KIF4A: variants seen among roughly 807,000 people sequenced by gnomAD.
KIF4A encodes chromosome-associated kinesin KIF4A.
Under a neutral mutation model 105.9 loss-of-function variants are expected in KIF4A, and 7 were observed. The observed-to-expected ratio is 0.07, with a 90% CI of 0.04 to 0.12. The LOEUF (loss-of-function observed/expected upper bound fraction) is 0.12, where lower values mean the gene tolerates loss of function less well. KIF4A is among the 10% of genes least tolerant of loss of function. KIF4A has a pLI of 1.00. For synonymous variants in KIF4A, 281 were observed against 331.3 expected, an observed-to-expected ratio of 0.85 and a Z score of 1.65; for missense variants, 558 against 929.2, an observed-to-expected ratio of 0.60 and a Z score of 5.19.
intron 18 of KIF4A, among the ~76,000 whole-genome samples, chrX:70,384,958 C>T (rs774735110): frequency 1.8e-5 from 2 of 108,219 alleles, no homozygotes; most frequent in South Asian, 8.5e-4. Context: ...TGCCACCATG[C>T]CTGGCAATTT....
At chrX:70,405,948 C>T (rs1346485584) in intron 26 of KIF4A, 43 bp downstream of exon 26, 8 of 1,059,957 alleles carry the variant, frequency 7.5e-6, no homozygotes, top group Non-Finnish European at 1.1e-5. Flanking sequence ...TAAGAGACCC[C>T]GTTGCTACTG....
Position 70,290,564 on chromosome X carries a change from C to G in KIF4A, c.106C>G (p.Pro36Ala). The G allele has an allele frequency of 3.3e-6, 4 of 1,211,294 alleles. No homozygotes were observed. The highest frequency in any genetic ancestry group is 4.5e-6 in the Non-Finnish European group (4 of 895,275). ...CTGCCAGATGTGCCTTTCCTTCGTG[C>G]CCGGAGAGCCTCAGGTGCGTAGCAG... ...EGCQMCLSFV[P>A]GEPQVVVGTD... is the part of the protein sequence containing the mutation. The change falls in exon 2 of 31, where the codon CCC (proline) becomes GCC (alanine). Residue 36 changes from proline (P) to alanine (A), a missense_variant. This residue lies in a region of KIF4A where 89 missense variants were observed against 248.8 expected (regional missense o/e 0.36). Coordinates refer to ENST00000374403, the MANE Select transcript of KIF4A (RefSeq NM_012310.5).
chrX:70,339,769 C>T (rs1021601386), intron 10 of KIF4A, among the ~76,000 whole-genome samples: 2 of 111,855 alleles, frequency 1.8e-5, no homozygotes, highest in South Asian at 3.7e-4. Context: ...CTGTGAGTGT[C>T]GGTCAATTTG....
rs2086297546 is a variant in KIF4A at position 70,405,727 on chromosome X, A to G, written c.2899-101A>G. 3 of 591,761 alleles carry G rather than the reference A, an allele frequency of 5.1e-6. No individual in the cohort carries two copies. The African/African-American group carries it at 6.8e-5, about 13-fold the overall frequency. The allele number at this position is 591,761 out of a possible 1,213,427, so 48.8% of individuals were successfully genotyped here. A position where few individuals can be genotyped will look rare whatever the true frequency, so the allele number is the denominator to read the frequency against. On this transcript the variant is annotated intron_variant, in intron 25 of 30. Transcript: ENST00000374403. Reference sequence around the variant, plus strand: ...TGCTGTGCAAAAACCATCTGCTGCCAGCAACTTGGCAGCAGTATGTTTTCA... The same window carrying G: ...TGCTGTGCAAAAACCATCTGCTGCCGGCAACTTGGCAGCAGTATGTTTTCA...
intron 10 of KIF4A, among the ~76,000 whole-genome samples, chrX:70,334,273 A>C (rs775083325): frequency 1.8e-5 from 2 of 111,961 alleles, no homozygotes; most frequent in South Asian, 7.5e-4. Context: ...GCTTCTAAGC[A>C]CTCTGAGCAG....
At chrX:70,389,441 G>A (rs756485434) in intron 20 of KIF4A, among the ~76,000 whole-genome samples, 2 of 111,987 alleles carry the variant, frequency 1.8e-5, no homozygotes, top group Admixed American at 9.5e-5. Context: ...GGTGGTGTGC[G>A]CCTGTAGTCC....
Position 70,363,170 on chromosome X carries a change from T to G in KIF4A, c.1674+9363T>G, listed in dbSNP as rs778317667. On this transcript the variant is annotated intron_variant, in intron 15 of 30. Coordinates refer to ENST00000374403, the MANE Select transcript of KIF4A (RefSeq NM_012310.5). The stretch of plus-strand genomic sequence containing the variant: ...GTAAACCAGGACTCAAATTTTTGAA[T>G]AATTCCCCCTTGTGGAGTTGGTAAG... Among the ~76,000 whole-genome samples the G allele has an allele frequency of 1.7e-4, 19 of 111,943 alleles. No homozygotes were observed. In the South Asian group the frequency reaches 4.9e-3, roughly 29 times the overall value.
At chrX:70,351,727 TTTTTTGTTTTTG>T (rs753745634) in intron 13 of KIF4A, among the ~76,000 whole-genome samples, 79 of 111,708 alleles carry the variant, frequency 7.1e-4, no homozygotes, top group African/African-American at 2.2e-3. Context: ...TTTCTTTCTG[TTTTTTGTTTTTG>T]TTTTTGTTTT....
chrX:70,345,477 A>G (rs184999919), intron 13 of KIF4A, among the ~76,000 whole-genome samples: 5,161 of 108,868 alleles, frequency 0.047, 160 homozygotes, highest in South Asian at 0.083. Context: ...AAAAAAAAAA[A>G]AAGAAGAAGA....
intron 13 of KIF4A, among the ~76,000 whole-genome samples, chrX:70,348,384 T>G (rs1259712383): frequency 1.8e-5 from 2 of 111,659 alleles, no homozygotes; most frequent in African/African-American, 6.5e-5. Flanking sequence ...TTGATCATTC[T>G]TGGGTGTTTC....
intron 27 of KIF4A, among the ~76,000 whole-genome samples, 163 bp from the exon 28 acceptor site, chrX:70,406,730 G>A (rs186219126): frequency 8.9e-6 from 1 of 112,072 alleles, no homozygotes; most frequent in Non-Finnish European, 1.9e-5. Flanking sequence ...ATAGGCTAAA[G>A]CAGAATTTCT....
intron 20 of KIF4A, among the ~76,000 whole-genome samples, chrX:70,392,958 CT>C (rs760042042): frequency 4.2e-4 from 38 of 90,492 alleles, no homozygotes; most frequent in Admixed American, 8.3e-4. Flanking sequence ...CCTCCTGGAT[CT>C]TTTTTTTTTT....
chrX:70,402,815 T>A, intron 23 of KIF4A, 120 bp downstream of exon 23: 1 of 872,078 alleles, frequency 1.1e-6, no homozygotes, highest in Non-Finnish European at 1.6e-6. Flanking sequence ...CTAATAACAC[T>A]AACATTAGAG....
At chrX:70,336,131 G>T (rs771831933) in intron 10 of KIF4A, among the ~76,000 whole-genome samples, 2 of 111,328 alleles carry the variant, frequency 1.8e-5, no homozygotes, top group African/African-American at 3.3e-5. Flanking sequence ...TTGTAGCTTT[G>T]CTTTGTTCAG....
intron 7 of KIF4A, among the ~76,000 whole-genome samples, chrX:70,307,579 T>C (rs781497707): frequency 1.8e-5 from 2 of 112,090 alleles, no homozygotes; most frequent in Non-Finnish European, 3.8e-5. Context: ...ATAGGTGCCC[T>C]ACCAGGTTGA....
intron 15 of KIF4A, among the ~76,000 whole-genome samples, chrX:70,355,154 TGA>T (rs1479123547): frequency 9.0e-6 from 1 of 110,888 alleles, no homozygotes; most frequent in Non-Finnish European, 1.9e-5. Flanking sequence ...CCAAGACAAG[TGA>T]GAGAGGTGAG....
At chrX:70,312,531 A>G (rs928436016) in intron 7 of KIF4A, among the ~76,000 whole-genome samples, 6 of 111,955 alleles carry the variant, frequency 5.4e-5, no homozygotes, top group African/African-American at 1.9e-4. Context: ...TGAAGAAATC[A>G]AGTTGTCTTG....
intron 15 of KIF4A, among the ~76,000 whole-genome samples, chrX:70,369,974 C>G (rs150263949): frequency 0.017 from 1,857 of 111,331 alleles, 37 homozygotes; most frequent in African/African-American, 0.057. Context: ...TGTATTTTTA[C>G]TGTACCATTA....
At chrX:70,300,882 A>G (rs1449803747) in intron 5 of KIF4A, among the ~76,000 whole-genome samples, 3 of 112,108 alleles carry the variant, frequency 2.7e-5, no homozygotes, top group Non-Finnish European at 3.8e-5. Context: ...TAGGTTGGTG[A>G]CATTTTAGGA....
Sources: gnomAD v4.1 joint callset for allele counts (sites outside exome capture counted in the v4.1 genomes callset) on GRCh38, gnomAD v4.1.1 for gene constraint, gnomAD v4.1.1 regional missense constraint, MANE v1.5 for transcripts, NCBI Gene and HGNC (gene_info 2026-07-23, HGNC 2026-07-21) for gene names.